Variants in NPL observed in about 807,000 individuals in gnomAD.
The protein encoded by NPL is N-acetylneuraminate lyase.
Under a neutral mutation model 41.1 loss-of-function variants are expected in NPL, and 32 were observed. The ratio of observed to expected loss-of-function variants is 0.78; its 90% confidence interval spans 0.59 to 1.05. The LOEUF (loss-of-function observed/expected upper bound fraction) is 1.05, where lower values mean the gene tolerates loss of function less well. Among genes scored for constraint, NPL ranks in the 50% least tolerant of loss-of-function variants. The probability of loss-of-function intolerance (pLI) is 0.00; values close to 1 mark genes in which losing one functional copy is unlikely to be tolerated. For missense variants in NPL, 321 were observed against 378.4 expected (o/e 0.85, Z 1.26); for synonymous variants, 128 against 134.9 (o/e 0.95, Z 0.35).
In NPL at chr1:182,830,110, AT is replaced by A. The variant is rs1667729000; in HGVS notation, c.*1203del. On this transcript the variant is annotated 3_prime_UTR_variant, in exon 13 of 13. Transcript: ENST00000367553. Reference sequence around the variant, plus strand: ...TTATTTTAATCTCTTTGAATTAAAAATAAAACTTTTTCAAAATGGAAATTTG... The same window carrying A: ...TTATTTTAATCTCTTTGAATTAAAAAAAAACTTTTTCAAAATGGAAATTTG... 2 of 152,694 alleles carry A rather than the reference AT, an allele frequency of 1.3e-5. No individual in the cohort carries two copies. The highest frequency in any genetic ancestry group is 4.8e-5 in the African/African-American group (2 of 41,484). 9.5% of individuals were successfully genotyped at this position (152,694 alleles called of 1,614,324 possible).
intron 8 of NPL, among the ~76,000 whole-genome samples, chr1:182,818,058 G>A (rs1667385145): frequency 6.6e-6 from 1 of 152,152 alleles, no homozygotes; most frequent in Non-Finnish European, 1.5e-5. Flanking sequence ...TCATCCTGAG[G>A]CAATCTAGGT....
At chr1:182,814,963 G>A (rs1216455259) in intron 7 of NPL, 105 bp downstream of exon 7, 11 of 937,450 alleles carry the variant, frequency 1.2e-5, no homozygotes, top group Non-Finnish European at 1.9e-5. Flanking sequence ...ACTATAGATT[G>A]GAGGCTTGAA....
intron 3 of NPL, among the ~76,000 whole-genome samples, chr1:182,800,460 AC>A (rs1164517288): frequency 1.4e-5 from 2 of 144,588 alleles, no homozygotes; most frequent in Non-Finnish European, 1.5e-5. Flanking sequence ...AAAAAAAAAA[AC>A]GGACAGAATC....
At chr1:182,814,570 A>T (rs1302949068) in intron 6 of NPL, among the ~76,000 whole-genome samples, 1 of 152,212 alleles carries the variant, frequency 6.6e-6, no homozygotes, top group Non-Finnish European at 1.5e-5. Context: ...GAAGTATAAG[A>T]TTAAGTGCAC....
At chr1:182,795,983 T>C (rs1034094286) in intron 3 of NPL, 4 of 152,126 alleles carry the variant, frequency 2.6e-5, no homozygotes, top group Non-Finnish European at 5.9e-5. Flanking sequence ...GTCAGTGTGT[T>C]CTTCCTCCCT....
chr1:182,795,699 T>C (rs1382142667), intron 3 of NPL: 2 of 152,016 alleles, frequency 1.3e-5, no homozygotes, highest in Admixed American at 6.6e-5. Flanking sequence ...TTAATAATAA[T>C]TTTTTTTCTG....
intron 5 of NPL, among the ~76,000 whole-genome samples, chr1:182,810,269 A>T (rs1667138463): frequency 6.6e-6 from 1 of 152,184 alleles, no homozygotes; most frequent in Admixed American, 6.6e-5. Flanking sequence ...AGATGGGAAC[A>T]TGGTATACCC....
chr1:182,823,442 T>G (rs1667542853), intron 11 of NPL, among the ~76,000 whole-genome samples: 1 of 152,220 alleles, frequency 6.6e-6, no homozygotes, highest in African/African-American at 2.4e-5. Flanking sequence ...ACTTCCTCCT[T>G]AAAGTTTAAA....
rs1667346660 is a variant in NPL at position 182,816,813 on chromosome 1, A to G, written c.457+7A>G. 1 of 1,597,408 alleles carries G rather than the reference A, an allele frequency of 6.3e-7. No homozygotes were observed. Among genetic ancestry groups the G allele is most frequent in the African/African-American group, 1.3e-5 (1 of 74,550 alleles). On this transcript the variant is annotated splice_region_variant and intron_variant, in intron 8 of 12. Coordinates refer to ENST00000367553, the MANE Select transcript of NPL (RefSeq NM_030769.3). ...GCCTTGACAGGGGTAAAGAGTAAGT[A>G]CTGCTTCTGTTGATCTTTCTTTCCT...
chr1:182,803,572 G>A, intron 3 of NPL, 126 bp from the exon 4 acceptor site: 2 of 724,688 alleles, frequency 2.8e-6, no homozygotes, highest in East Asian at 2.7e-5. Flanking sequence ...AGCAGGCTAA[G>A]AATTTCACAA....
At chr1:182,821,046 A>G (rs1371616532) in intron 10 of NPL, among the ~76,000 whole-genome samples, 4 of 152,188 alleles carry the variant, frequency 2.6e-5, no homozygotes, top group Non-Finnish European at 4.4e-5. Context: ...CCAGGGATAC[A>G]CCTAAGACCA....
chr1:182,822,552 T>C (rs548558041), intron 11 of NPL, among the ~76,000 whole-genome samples: 4 of 152,204 alleles, frequency 2.6e-5, no homozygotes, highest in African/African-American at 9.6e-5. Context: ...ACATCAGAGT[T>C]ATCACAGAAT....
chr1:182,821,773 A>G (rs926314481), intron 10 of NPL, among the ~76,000 whole-genome samples: 1 of 152,192 alleles, frequency 6.6e-6, no homozygotes, highest in South Asian at 2.1e-4. Context: ...CTCAGATGCT[A>G]CCTTTTATCC....
chr1:182,827,559 TG>T (rs1370003711), intron 12 of NPL, among the ~76,000 whole-genome samples: 1 of 152,202 alleles, frequency 6.6e-6, no homozygotes, highest in African/African-American at 2.4e-5. Context: ...AGATCTACCT[TG>T]AAAATCACTA....
chr1:182,797,140 T>A (rs1366413970), intron 3 of NPL, among the ~76,000 whole-genome samples: 1 of 152,104 alleles, frequency 6.6e-6, no homozygotes. Context: ...CTCATGTCAT[T>A]GGGGATATTG....
At chr1:182,798,784 A>C (rs545111040) in intron 3 of NPL, among the ~76,000 whole-genome samples, 3 of 152,276 alleles carry the variant, frequency 2.0e-5, no homozygotes, top group Non-Finnish European at 2.9e-5. Context: ...AGTCTTTGGG[A>C]GACGAGGGGA....
intron 3 of NPL, among the ~76,000 whole-genome samples, chr1:182,798,913 A>G (rs1252831630): frequency 2.6e-5 from 4 of 152,248 alleles, no homozygotes; most frequent in African/African-American, 7.2e-5. Context: ...AAGAGTGCAT[A>G]TAACTGCTAT....
At position 182,795,927 on chromosome 1, in the gene NPL, G is replaced by A. The variant is rs563942202; in HGVS notation, c.68+1488G>A. 2.0e-5 allele frequency: 3 copies of A among 152,178 alleles called. No homozygotes were observed. The South Asian group carries it at 6.2e-4, about 32-fold the overall frequency. The allele number at this position is 152,178 out of a possible 1,614,324, so 9.4% of individuals were successfully genotyped here. A position where few individuals can be genotyped will look rare whatever the true frequency, so the allele number is the denominator to read the frequency against. Reference sequence around the variant, plus strand: ...TAAGACCCCTCTTATCCTGGAAGTGGCTTCTTAAAACAGTCTTGTTTGTTC... The same window carrying A: ...TAAGACCCCTCTTATCCTGGAAGTGACTTCTTAAAACAGTCTTGTTTGTTC... On this transcript the variant is annotated intron_variant, in intron 3 of 12. Transcript: ENST00000367553.
chr1:182,825,462 G>T (rs924642739), intron 11 of NPL, among the ~76,000 whole-genome samples: 1 of 152,170 alleles, frequency 6.6e-6, no homozygotes, highest in African/African-American at 2.4e-5. Flanking sequence ...GAAAACCACT[G>T]CACTAGCTGA....
Sources: gnomAD v4.1 joint callset for allele counts (sites outside exome capture counted in the v4.1 genomes callset) on GRCh38, gnomAD v4.1.1 for gene constraint, MANE v1.5 for transcripts, NCBI Gene and HGNC (gene_info 2026-07-23, HGNC 2026-07-21) for gene names.